KLF12: variants seen among roughly 807,000 people sequenced by gnomAD.
KLF12 encodes the protein Krueppel-like factor 12.
Under a neutral mutation model 37.8 loss-of-function variants are expected in KLF12, and 9 were observed. That is an observed-to-expected ratio of 0.24 (90% CI 0.14 to 0.42). The LOEUF is 0.42. Ranked by LOEUF, KLF12 falls within the 10% of genes least tolerant of loss-of-function variation. The probability of loss-of-function intolerance (pLI) is 1.00; values close to 1 mark genes in which losing one functional copy is unlikely to be tolerated. For missense variants in KLF12, 411 were observed against 516.0 expected (o/e 0.80, Z 1.97); for synonymous variants, 208 against 202.1 (o/e 1.03, Z -0.25).
the KLF12 span, among the ~76,000 whole-genome samples, chr13:74,146,247 C>A: frequency 6.6e-6 from 1 of 152,204 alleles, no homozygotes; most frequent in Non-Finnish European, 1.5e-5. Context: ...TACAGACTTT[C>A]CTGCCGCTCT....
chr13:73,834,428 C>G (rs1394798969), intron 4 of KLF12, among the ~76,000 whole-genome samples: 1 of 152,192 alleles, frequency 6.6e-6, no homozygotes, highest in Non-Finnish European at 1.5e-5. Context: ...CTCAGTTTTA[C>G]TAAGTTTTCC....
chr13:73,941,085 G>A (rs1890164272), intron 3 of KLF12, among the ~76,000 whole-genome samples: 1 of 152,354 alleles, frequency 6.6e-6, no homozygotes, highest in South Asian at 2.1e-4. Context: ...AAAAGATTGA[G>A]ATTAGTATCT....
At chr13:73,909,759 A>G (rs1333742104) in intron 3 of KLF12, among the ~76,000 whole-genome samples, 2 of 152,192 alleles carry the variant, frequency 1.3e-5, no homozygotes, top group African/African-American at 4.8e-5. Context: ...GCGCATTTAA[A>G]TATCTATTAA....
At chr13:73,992,436 T>C (rs769403702) in intron 2 of KLF12, among the ~76,000 whole-genome samples, 2 of 152,238 alleles carry the variant, frequency 1.3e-5, no homozygotes, top group African/African-American at 2.4e-5. Context: ...AAAGAAAAAC[T>C]TAATGCAAAA....
At chr13:73,810,982 C>CCTTTTTTTTTTTTT in intron 5 of KLF12, among the ~76,000 whole-genome samples, 1 of 44,818 alleles carries the variant, frequency 2.2e-5, no homozygotes, top group Admixed American at 3.2e-4. Context: ...ATTTTTCTTT[C>CCTTTTTTTTTTTTT]TTTTTTTTTT....
the KLF12 span, among the ~76,000 whole-genome samples, chr13:74,205,400 C>A: frequency 1.3e-5 from 2 of 152,090 alleles, no homozygotes; most frequent in African/African-American, 4.8e-5. Flanking sequence ...ACTCACTAGG[C>A]TTTGAGGATA....
chr13:74,271,462 C>T, the KLF12 span, among the ~76,000 whole-genome samples: 7 of 152,048 alleles, frequency 4.6e-5, no homozygotes, highest in Non-Finnish European at 1.0e-4. Flanking sequence ...AATGGTAGGA[C>T]CATTTTTATA....
At chr13:73,855,581 G>A (rs1885566359) in intron 3 of KLF12, among the ~76,000 whole-genome samples, 1 of 152,136 alleles carries the variant, frequency 6.6e-6, no homozygotes, top group South Asian at 2.1e-4. Context: ...CTTTTTGATA[G>A]AATGACTTAT....
In KLF12 at chr13:73,803,796, A is replaced by T. The variant is rs905400752; in HGVS notation, c.806+9356T>A. ...GTCACACACACACACACACACACAC[A>T]CACACACACACACACACACACTTTG... is the stretch of plus-strand genomic sequence containing the variant. On this transcript the variant is annotated intron_variant, in intron 5 of 7. Transcript: ENST00000377669. 6.0e-4 allele frequency among the ~76,000 whole-genome samples: 91 copies of T among 151,342 alleles called. 1 individual carries two copies. In the South Asian group the frequency reaches 0.017, roughly 29 times the overall value.
intron 1 of KLF12, among the ~76,000 whole-genome samples, chr13:74,017,581 A>C (rs370404207): frequency 4.1e-5 from 6 of 146,020 alleles, no homozygotes; most frequent in South Asian, 2.3e-4. Context: ...CCAAAAAAAA[A>C]CCTTTTTAAG....
chr13:73,886,143 TG>T (rs1887213689), intron 3 of KLF12, among the ~76,000 whole-genome samples: 1 of 152,164 alleles, frequency 6.6e-6, no homozygotes, highest in Non-Finnish European at 1.5e-5. Flanking sequence ...TACCAGTCTA[TG>T]GAAGTGTCAC....
the KLF12 span, among the ~76,000 whole-genome samples, chr13:74,241,101 G>T: frequency 6.6e-6 from 1 of 151,708 alleles, no homozygotes; most frequent in Non-Finnish European, 1.5e-5. Flanking sequence ...TTTGATGATG[G>T]TGATGTACAG....
chr13:74,157,708 G>A, the KLF12 span, among the ~76,000 whole-genome samples: 27,415 of 152,154 alleles, frequency 0.18, 2,928 homozygotes, highest in African/African-American at 0.29. Context: ...GTCCTCAAAT[G>A]CTGAAGAGAG....
chr13:73,855,677 A>C (rs1885571827), intron 3 of KLF12, among the ~76,000 whole-genome samples: 1 of 152,194 alleles, frequency 6.6e-6, no homozygotes, highest in Non-Finnish European at 1.5e-5. Context: ...ACTGCTCTCC[A>C]CGGTGCTTGG....
At chr13:74,091,894 G>T (rs1373753843) in intron 1 of KLF12, among the ~76,000 whole-genome samples, 1 of 152,008 alleles carries the variant, frequency 6.6e-6, no homozygotes, top group East Asian at 1.9e-4. Flanking sequence ...GATAATGAAG[G>T]AGGTTATGCA....
At chr13:74,169,973 A>T in the KLF12 span, among the ~76,000 whole-genome samples, 7 of 150,228 alleles carry the variant, frequency 4.7e-5, no homozygotes, top group African/African-American at 1.7e-4. Context: ...TTTAAAAGCA[A>T]ACAAATATTG....
intron 1 of KLF12, among the ~76,000 whole-genome samples, chr13:74,070,959 T>C (rs1874200017): frequency 6.6e-6 from 1 of 152,216 alleles, no homozygotes; most frequent in East Asian, 1.9e-4. Flanking sequence ...AAGACAGCTC[T>C]CTAATACTGT....
chr13:73,782,651 C>T lies in KLF12; in HGVS notation c.807-17651G>A, dbSNP rs533784820. On this transcript the variant is annotated intron_variant, in intron 5 of 7. Coordinates refer to ENST00000377669, the MANE Select transcript of KLF12 (RefSeq NM_007249.5). ...CATTCTGCAAGGATCCCAGAGTAACCAGTATTTTGGAAATGCAATGTTGAA... is the reference window on the plus strand; with the variant it reads ...CATTCTGCAAGGATCCCAGAGTAACTAGTATTTTGGAAATGCAATGTTGAA... Among the ~76,000 whole-genome samples, 32 of 152,274 alleles carry T rather than the reference C, an allele frequency of 2.1e-4. 1 individual carries two copies. The highest frequency in any genetic ancestry group is 7.7e-4 in the African/African-American group (32 of 41,542).
At chr13:73,731,457 A>G (rs1381275350) in intron 6 of KLF12, among the ~76,000 whole-genome samples, 1 of 151,492 alleles carries the variant, frequency 6.6e-6, no homozygotes, top group Non-Finnish European at 1.5e-5. Context: ...CATAAAATAA[A>G]CTTAATGGTA....
Sources: allele counts gnomAD v4.1 joint callset (sites outside exome capture counted in the v4.1 genomes callset), GRCh38; gene constraint gnomAD v4.1.1; transcripts MANE v1.5; gene names NCBI Gene and HGNC (gene_info 2026-07-23, HGNC 2026-07-21).